CTNNA2: variants seen among roughly 807,000 people sequenced by gnomAD.
CTNNA2 encodes catenin alpha 2.
A neutral mutation model predicts 101.0 loss-of-function variants in CTNNA2; 42 were observed. That is an observed-to-expected ratio of 0.42 (90% CI 0.32 to 0.54). CTNNA2 has a LOEUF of 0.54. Among genes scored for constraint, CTNNA2 ranks in the 20% least tolerant of loss-of-function variants. The probability of loss-of-function intolerance (pLI) is 0.14; values close to 1 mark genes in which losing one functional copy is unlikely to be tolerated. For synonymous variants in CTNNA2, 450 were observed against 456.4 expected (o/e 0.99, Z 0.18); for missense variants, 871 against 1,223.1 (o/e 0.71, Z 4.29).
intron 7 of CTNNA2, among the ~76,000 whole-genome samples, chr2:80,018,749 C>T (rs1444311613): frequency 6.7e-6 from 1 of 150,004 alleles, no homozygotes; most frequent in Non-Finnish European, 1.5e-5. Context: ...CCACTGCACT[C>T]CAGCCTGGGC....
chr2:80,061,275 C>T (rs770984204), intron 7 of CTNNA2, among the ~76,000 whole-genome samples: 3 of 151,926 alleles, frequency 2.0e-5, no homozygotes, highest in Non-Finnish European at 2.9e-5. Context: ...ACTGTGCATG[C>T]GTTATGTTCC....
At chr2:79,410,661 TG>T (rs1377080415) in intron 4 of CTNNA2, among the ~76,000 whole-genome samples, 1 of 151,472 alleles carries the variant, frequency 6.6e-6, no homozygotes, top group Non-Finnish European at 1.5e-5. Flanking sequence ...CACTTGATCA[TG>T]GTGGATAAGC....
Position 79,893,533 on chromosome 2 carries a change from A to G in CTNNA2, c.853-16061A>G, listed in dbSNP as rs1684452494. Among the ~76,000 whole-genome samples the G allele has an allele frequency of 2.6e-5, 4 of 152,212 alleles. No homozygotes were observed. The South Asian group carries it at 8.3e-4, about 31-fold the overall frequency. ...CCAACTCTTTAATTTGGGCTCCCCAATTTTAGACATTTACAATCCAACCTA... is the reference window on the plus strand; with the variant it reads ...CCAACTCTTTAATTTGGGCTCCCCAGTTTTAGACATTTACAATCCAACCTA... On this transcript the variant is annotated intron_variant, in intron 6 of 18. Coordinates refer to ENST00000402739, the MANE Select transcript of CTNNA2 (RefSeq NM_001282597.3).
intron 12 of CTNNA2, among the ~76,000 whole-genome samples, chr2:80,559,312 A>G (rs1223609778): frequency 6.6e-6 from 1 of 152,172 alleles, no homozygotes; most frequent in African/African-American, 2.4e-5. Flanking sequence ...ACTGAACTGG[A>G]TGTTGCTGCT....
chr2:79,701,032 A>G (rs143877716), intron 2 of CTNNA2, among the ~76,000 whole-genome samples: 1 of 152,292 alleles, frequency 6.6e-6, no homozygotes, highest in East Asian at 1.9e-4. Flanking sequence ...TGTATTGATG[A>G]AAAACAAAAT....
intron 6 of CTNNA2, among the ~76,000 whole-genome samples, chr2:79,894,332 C>T (rs1309496689): frequency 6.6e-6 from 1 of 151,758 alleles, no homozygotes; most frequent in East Asian, 1.9e-4. Flanking sequence ...GCCCTGCCCC[C>T]CGCCCCACCA....
At chr2:80,613,841 G>A (rs1042776965) in intron 17 of CTNNA2, among the ~76,000 whole-genome samples, 11 of 151,446 alleles carry the variant, frequency 7.3e-5, no homozygotes, top group Non-Finnish European at 8.9e-5. Context: ...ACTACTCTGT[G>A]GATGGATTTG....
chr2:79,298,121 C>T (rs1676025058), intron 2 of CTNNA2, among the ~76,000 whole-genome samples: 2 of 152,194 alleles, frequency 1.3e-5, no homozygotes, highest in Non-Finnish European at 2.9e-5. Context: ...TTATTTGGCT[C>T]ACAGTTCTGT....
intron 2 of CTNNA2, among the ~76,000 whole-genome samples, chr2:79,287,140 T>G: frequency 6.6e-6 from 1 of 152,170 alleles, no homozygotes; most frequent in Non-Finnish European, 1.5e-5. Flanking sequence ...TATTGGTTAT[T>G]CTAGTTATAC....
At chr2:80,091,724 C>T (rs1321889788) in intron 7 of CTNNA2, among the ~76,000 whole-genome samples, 1 of 151,932 alleles carries the variant, frequency 6.6e-6, no homozygotes, top group Non-Finnish European at 1.5e-5. Context: ...GATGGGATAC[C>T]AGGAACATTA....
chr2:79,425,495 A>G (rs1345336405), intron 4 of CTNNA2, among the ~76,000 whole-genome samples: 3 of 152,162 alleles, frequency 2.0e-5, no homozygotes, highest in Admixed American at 2.0e-4. Flanking sequence ...TAAGGGCTTC[A>G]TTCTCTAGAG....
At chr2:80,063,080 A>G (rs1697720306) in intron 7 of CTNNA2, among the ~76,000 whole-genome samples, 1 of 152,172 alleles carries the variant, frequency 6.6e-6, no homozygotes, top group African/African-American at 2.4e-5. Flanking sequence ...AGTAAGCTGC[A>G]TTCTCTCTTG....
At chr2:79,233,149 G>A (rs1674517015) in intron 2 of CTNNA2, among the ~76,000 whole-genome samples, 1 of 152,036 alleles carries the variant, frequency 6.6e-6, no homozygotes, top group South Asian at 2.1e-4. Context: ...ATGCTTTTAA[G>A]TAGTTAATTT....
At position 80,647,915 on chromosome 2, in the gene CTNNA2, C is replaced by CTTTCT. The variant is rs770322785; in HGVS notation, c.*47_*51dup. 2.6e-6 allele frequency: 4 copies of CTTTCT among 1,515,860 alleles called. No homozygotes were observed. The highest frequency in any genetic ancestry group is 2.3e-5 in the East Asian group (1 of 43,918). The allele number at this position is 1,515,860 out of a possible 1,614,324, so 93.9% of individuals were successfully genotyped here. On this transcript the variant is annotated 3_prime_UTR_variant, in exon 19 of 19. Transcript: ENST00000402739. ...AGAAAGCTTTTTCTTTCTTTTCTTT[C>CTTTCT]TTTCTTTTTCTTTTTAATTCCATTT... is the stretch of plus-strand genomic sequence containing the variant.
chr2:79,994,480 T>A (rs1016185680), intron 7 of CTNNA2, among the ~76,000 whole-genome samples: 5 of 152,140 alleles, frequency 3.3e-5, no homozygotes, highest in African/African-American at 1.2e-4. Context: ...TTGTGGTGAT[T>A]GCTGGCTGCT....
At chr2:79,343,986 G>T (rs1013044947) in intron 3 of CTNNA2, among the ~76,000 whole-genome samples, 1 of 152,112 alleles carries the variant, frequency 6.6e-6, no homozygotes, top group Admixed American at 6.5e-5. Context: ...AAACCAATGA[G>T]GCTCCTGGCC....
At chr2:79,847,611 C>T (rs567530511) in intron 3 of CTNNA2, among the ~76,000 whole-genome samples, 7 of 134,856 alleles carry the variant, frequency 5.2e-5, no homozygotes, top group South Asian at 2.5e-4. Flanking sequence ...AAAGACAAAG[C>T]GTTTTTTGTC....
chr2:79,314,659 T>C (rs1676456751), intron 3 of CTNNA2, among the ~76,000 whole-genome samples: 1 of 152,218 alleles, frequency 6.6e-6, no homozygotes, highest in African/African-American at 2.4e-5. Flanking sequence ...CAATTTTCAT[T>C]TTAACATTTG....
At chr2:79,641,753 C>CT (rs1680463110) in intron 1 of CTNNA2, among the ~76,000 whole-genome samples, 3 of 152,124 alleles carry the variant, frequency 2.0e-5, no homozygotes, top group Non-Finnish European at 4.4e-5. Context: ...AATGATAAGA[C>CT]TGTGAATGCA....
Sources: allele counts gnomAD v4.1 joint callset (sites outside exome capture counted in the v4.1 genomes callset), GRCh38; gene constraint gnomAD v4.1.1; transcripts MANE v1.5; gene names NCBI Gene and HGNC (gene_info 2026-07-23, HGNC 2026-07-21).